MYLK: variants seen among roughly 807,000 people sequenced by gnomAD.
MYLK encodes the protein myosin light chain kinase, also known as myosin light chain kinase, smooth muscle.
A neutral mutation model predicts 203.4 loss-of-function variants in MYLK; 106 were observed. The observed-to-expected ratio is 0.52, with a 90% CI of 0.45 to 0.61. The LOEUF is 0.61. MYLK is among the 20% of genes least tolerant of loss of function. The pLI is 0.00. For missense variants in MYLK, 2,072 were observed against 2,442.3 expected, an observed-to-expected ratio of 0.85 and a Z score of 3.20; for synonymous variants, 867 against 959.5, an observed-to-expected ratio of 0.90 and a Z score of 1.78.
At chr3:123,756,971 C>T (rs549573043) in intron 4 of MYLK, among the ~76,000 whole-genome samples, 1 of 152,256 alleles carries the variant, frequency 6.6e-6, no homozygotes, top group East Asian at 1.9e-4. Context: ...TCCTCAAAAA[C>T]CTTTATGGCC....
In MYLK at chr3:123,613,235, C is replaced by CT. The variant is rs1255909839; in HGVS notation, c.*869dup. 1 of 152,190 alleles carries CT rather than the reference C, an allele frequency of 6.6e-6. No homozygotes were observed. The highest frequency in any genetic ancestry group is 2.4e-5 in the African/African-American group (1 of 41,450). 9.4% of individuals were successfully genotyped at this position (152,190 alleles called of 1,614,324 possible). A position where few individuals can be genotyped will look rare whatever the true frequency, so the allele number is the denominator to read the frequency against. ...GACTAACTTTTCAGCAAACTGATTTCTCCTATATTCAAACACAAAAATCTT... is the reference window on the plus strand; with the variant it reads ...GACTAACTTTTCAGCAAACTGATTTCTTCCTATATTCAAACACAAAAATCTT... On this transcript the variant is annotated 3_prime_UTR_variant, in exon 34 of 34. Coordinates refer to ENST00000360304, the MANE Select transcript of MYLK (RefSeq NM_053025.4).
chr3:123,700,372 A>C lies in MYLK; in HGVS notation c.3096T>G (p.Ala1032=). 6.2e-7 allele frequency: 1 copy of C among 1,613,114 alleles called. No individual in the cohort carries two copies. Among genetic ancestry groups the C allele is most frequent in the South Asian group, 1.1e-5 (1 of 91,006 alleles). The stretch of plus-strand genomic sequence containing the variant: ...CGTTGCCCATTGGCTTCAGGGTCTC[A>C]GCAGGCTTGGCGTTGCCCACGGGTT... The part of the protein sequence containing the change: ...PLKPVGNAKP[A]ETLKPMGNAK... The change falls in exon 18 of 34, where the codon GCT becomes GCG. Residue 1032 remains alanine, a synonymous_variant. Transcript: ENST00000360304.
intron 13 of MYLK, among the ~76,000 whole-genome samples, chr3:123,720,007 G>A (rs1416019018): frequency 2.6e-5 from 4 of 152,228 alleles, no homozygotes; most frequent in Admixed American, 2.6e-4. Flanking sequence ...TATGCCAAGA[G>A]CCCAAATGCT....
At chr3:123,719,320 A>C (rs1281862570) in intron 13 of MYLK, among the ~76,000 whole-genome samples, 1 of 151,700 alleles carries the variant, frequency 6.6e-6, no homozygotes, top group Non-Finnish European at 1.5e-5. Flanking sequence ...GAGCCCTTGG[A>C]AGCAGGCACG....
In MYLK at chr3:123,614,030, T is replaced by A. The variant is rs1232353630; in HGVS notation, c.*75A>T. ...ACTAGGTGCTTTTACTATCTTGAGT[T>A]TTTTTTTTTTTTTTGAGTTTTAGAG... On this transcript the variant is annotated 3_prime_UTR_variant, in exon 34 of 34. Transcript: ENST00000360304. The A allele has an allele frequency of 3.3e-5, 39 of 1,191,192 alleles. 1 individual carries two copies. The highest frequency in any genetic ancestry group is 6.1e-5 in the Admixed American group (2 of 32,664). The allele number at this position is 1,191,192 out of a possible 1,614,324, so 73.8% of individuals were successfully genotyped here.
rs530378296 is a variant in MYLK at position 123,707,504 on chromosome 3, G to T, written c.2390+250C>A. ...TCATACTCACCATACACCACATAAT[G>T]GGGGAACAAGGATGTAACAAGACAG... On this transcript the variant is annotated intron_variant, in intron 16 of 33. Transcript: ENST00000360304. Among the ~76,000 whole-genome samples the T allele has an allele frequency of 3.3e-5, 5 of 152,322 alleles. No individual in the cohort carries two copies. In the East Asian group the frequency reaches 9.6e-4, roughly 29 times the overall value.
rs551869406 is a variant in MYLK, at chr3:123,619,274, G to A, written c.5369-504C>T. Among the ~76,000 whole-genome samples, 4 of 152,318 alleles carry A rather than the reference G, an allele frequency of 2.6e-5. No individual in the cohort carries two copies. In the South Asian group the frequency reaches 8.3e-4, roughly 32 times the overall value. Reference sequence around the variant, plus strand: ...ATGCTGTGTGACTGTGGACCAGGATGTGGGATTGGTTCAGGGAAAAGCTGT... The same window carrying A: ...ATGCTGTGTGACTGTGGACCAGGATATGGGATTGGTTCAGGGAAAAGCTGT... On this transcript the variant is annotated intron_variant, in intron 32 of 33. Coordinates refer to ENST00000360304, the MANE Select transcript of MYLK (RefSeq NM_053025.4).
intron 20 of MYLK, among the ~76,000 whole-genome samples, chr3:123,673,592 C>T (rs2059986065): frequency 6.6e-6 from 1 of 152,186 alleles, no homozygotes; most frequent in Admixed American, 6.5e-5. Flanking sequence ...TGTGCTTCTT[C>T]TCCCCAGTCC....
At position 123,700,752 on chromosome 3, in the gene MYLK, T is replaced by A; in HGVS notation, c.2716A>T (p.Ser906Cys). Reference protein sequence around the residue: ...DFRDLLGKKVSTKTLSEDDLK... With the variant: ...DFRDLLGKKVCTKTLSEDDLK... The stretch of plus-strand genomic sequence containing the variant: ...TCGTCTTCCGATAGGGTCTTTGTAC[T>A]CACCTTCTTCCCCAGGAGGTCTCGG... Residue 906 changes from serine (S) to cysteine (C), a missense_variant, in exon 18 of 34, where the codon AGT (serine) becomes TGT (cysteine). Coordinates refer to ENST00000360304, the MANE Select transcript of MYLK (RefSeq NM_053025.4). 1.2e-6 allele frequency: 2 copies of A among 1,614,234 alleles called. No individual in the cohort carries two copies. The highest frequency in any genetic ancestry group is 1.7e-6 in the Non-Finnish European group (2 of 1,180,040).
intron 3 of MYLK, among the ~76,000 whole-genome samples, chr3:123,799,224 C>T (rs1217899302): frequency 6.6e-6 from 1 of 151,600 alleles, no homozygotes; most frequent in Non-Finnish European, 1.5e-5. Context: ...CCAACGCCCA[C>T]CTCTAAATGA....
At chr3:123,869,921 A>G (rs1038023695) in intron 2 of MYLK, among the ~76,000 whole-genome samples, 4 of 152,000 alleles carry the variant, frequency 2.6e-5, no homozygotes, top group Non-Finnish European at 2.9e-5. Context: ...GGACGATGAA[A>G]TCTACCTGTG....
chr3:123,707,623 C>A (rs751727796), intron 16 of MYLK, 131 bp downstream of exon 16: 120 of 1,396,216 alleles, frequency 8.6e-5, no homozygotes, highest in Non-Finnish European at 1.1e-4. Context: ...GCACTGAGCC[C>A]GCACTTGCTT....
chr3:123,701,441 G>A lies in MYLK; in HGVS notation c.2459C>T (p.Pro820Leu), dbSNP rs367856001. ...GGCAGCTCCTGGGGGCACTCACCGT[G>A]GAAGGGCTCTGGCAGAGCTGTTCTG... ...MLQNSSARALPRGREPASCED... is the reference protein window; with the variant it reads ...MLQNSSARALLRGREPASCED... The change falls in exon 17 of 34, where the codon CCA becomes CTA. Residue 820 changes from proline (P) to leucine (L), a missense_variant. Physicochemically the swap from Pro to Leu is moderately conservative, Grantham distance 98 (BLOSUM62 -3). Transcript: ENST00000360304. 10 of 1,613,942 alleles carry A rather than the reference G, an allele frequency of 6.2e-6. No individual in the cohort carries two copies. Among genetic ancestry groups the A allele is most frequent in the African/African-American group, 1.3e-5 (1 of 74,908 alleles).
chr3:123,865,981 T>G (rs1179482018), intron 2 of MYLK, among the ~76,000 whole-genome samples: 1 of 152,166 alleles, frequency 6.6e-6, no homozygotes, highest in Non-Finnish European at 1.5e-5. Context: ...ATGTAGGCAC[T>G]CTGGCTCCAG....
rs202225055 is a variant in MYLK at position 123,733,921 on chromosome 3, G to T, written c.1075C>A (p.Pro359Thr). The change falls in exon 10 of 34, where the codon CCA becomes ACA. Residue 359 changes from proline to threonine, a missense_variant. Pro to Thr is a conservative substitution (Grantham distance 38). Transcript: ENST00000360304. ...AARVQPEPRAPGLGVLSPSGE... is the reference protein window; with the variant it reads ...AARVQPEPRATGLGVLSPSGE... ...GAAGGTGATAGGACCCCCAGGCCTG[G>T]TGCTCTTGGTTCCGGCTGAACTCTT... 1.2e-4 allele frequency: 201 copies of T among 1,614,088 alleles called. No individual in the cohort carries two copies. The highest frequency in any genetic ancestry group is 1.6e-4 in the Non-Finnish European group (185 of 1,180,052).
rs1409744538 is a variant in MYLK, at chr3:123,642,964, T to G, written c.4620-2460A>C. On this transcript the variant is annotated intron_variant, in intron 27 of 33. Transcript: ENST00000360304. The surrounding 1 kb of genome is among the most constrained non-coding windows in gnomAD (Gnocchi z 4.2). ...GGAGAGATCTGAGGATCTATATTTG[T>G]AATAATTACTCCAGGTCATCCTTAT... Among the ~76,000 whole-genome samples, 1 of 152,242 alleles carries G rather than the reference T, an allele frequency of 6.6e-6. No homozygotes were observed. Among genetic ancestry groups the G allele is most frequent in the Non-Finnish European group, 1.5e-5 (1 of 68,040 alleles).
chr3:123,806,062 T>C (rs1160783186), intron 3 of MYLK, among the ~76,000 whole-genome samples: 3 of 146,112 alleles, frequency 2.1e-5, no homozygotes, highest in African/African-American at 7.3e-5. Flanking sequence ...AAGGAATAGA[T>C]TATTAATTCA....
At position 123,613,771 on chromosome 3, in the gene MYLK, G is replaced by A. The variant is rs565933037; in HGVS notation, c.*334C>T. On this transcript the variant is annotated 3_prime_UTR_variant, in exon 34 of 34. Coordinates refer to ENST00000360304, the MANE Select transcript of MYLK (RefSeq NM_053025.4). ...TGTTTTGGCCTTATTTTTCATGAGCGCATTCAAGTGGAGAATTTATGACTT... is the reference window on the plus strand; with the variant it reads ...TGTTTTGGCCTTATTTTTCATGAGCACATTCAAGTGGAGAATTTATGACTT... The A allele has an allele frequency of 7.5e-5, 25 of 333,468 alleles. No individual in the cohort carries two copies. The highest frequency in any genetic ancestry group is 1.1e-3 in the Middle Eastern group (1 of 946). 20.7% of individuals were successfully genotyped at this position (333,468 alleles called of 1,614,324 possible). A position where few individuals can be genotyped will look rare whatever the true frequency, so the allele number is the denominator to read the frequency against.
chr3:123,725,237 C>A (rs2062237935), intron 12 of MYLK, among the ~76,000 whole-genome samples: 1 of 152,198 alleles, frequency 6.6e-6, no homozygotes, highest in African/African-American at 2.4e-5. Flanking sequence ...GGCTCTTTCA[C>A]CCTCCCTGGG....
Sources: gnomAD v4.1 joint callset for allele counts (sites outside exome capture counted in the v4.1 genomes callset) on GRCh38, gnomAD v4.1.1 for gene constraint, Gnocchi (gnomAD v3.1) non-coding constraint, MANE v1.5 for transcripts, NCBI Gene and HGNC (gene_info 2026-07-23, HGNC 2026-07-21) for gene names.